PALM2AKAP2: variants seen among roughly 807,000 people sequenced by gnomAD.
PALM2AKAP2 encodes PALM2-AKAP2 fusion protein.
PALM2AKAP2 carries 37 observed loss-of-function variants against 71.5 expected under a neutral mutation model. That is an observed-to-expected ratio of 0.52 (90% CI 0.40 to 0.68). The LOEUF (loss-of-function observed/expected upper bound fraction) is 0.68. PALM2AKAP2 is among the 30% of genes least tolerant of loss of function. The pLI is 0.00. For synonymous variants in PALM2AKAP2, 468 were observed against 478.8 expected, an observed-to-expected ratio of 0.98 and a Z score of 0.29; for missense variants, 1,224 against 1,191.8, an observed-to-expected ratio of 1.03 and a Z score of -0.40.
intron 1 of PALM2AKAP2, among the ~76,000 whole-genome samples, chr9:110,089,754 G>C (rs547310099): frequency 6.6e-6 from 1 of 152,236 alleles, no homozygotes; most frequent in Admixed American, 6.5e-5. Flanking sequence ...CTCTGTAAAG[G>C]TGCCTTTGTT....
chr9:110,146,976 C>T (rs1001941622), intron 2 of PALM2AKAP2, among the ~76,000 whole-genome samples: 10 of 152,078 alleles, frequency 6.6e-5, no homozygotes, highest in Admixed American at 2.6e-4. Flanking sequence ...AATCTATGTG[C>T]GAGGTGGCTC....
At chr9:109,655,110 A>C (rs62581672) in intron 1 of PALM2AKAP2, among the ~76,000 whole-genome samples, 5,204 of 152,164 alleles carry the variant, frequency 0.034, 129 homozygotes, top group Non-Finnish European at 0.049. Flanking sequence ...TGATGGTCTC[A>C]GGGTTTCACC....
chr9:109,666,500 C>T lies in PALM2AKAP2; in HGVS notation c.5+25634C>T, dbSNP rs150360410. Among the ~76,000 whole-genome samples, 5 of 152,282 alleles carry T rather than the reference C, an allele frequency of 3.3e-5. No homozygotes were observed. The East Asian group carries it at 9.6e-4, about 29-fold the overall frequency. On this transcript the variant is annotated intron_variant, in intron 1 of 6. Coordinates refer to the PALM2AKAP2 transcript ENST00000374531. ...AAAATGCTCTTATACTGTTATTTTA[C>T]ACAGAAACCAGAGATGATATCACAA...
exon 2 of PALM2AKAP2, chr9:110,137,103 A>C: frequency 6.2e-7 from 1 of 1,613,346 alleles, no homozygotes. Flanking sequence ...CAGCAGCAGC[A>C]GCAGCCCCCA....
chr9:109,970,876 G>C (rs56149544), intron 6 of PALM2AKAP2, among the ~76,000 whole-genome samples: 5,823 of 152,276 alleles, frequency 0.038, 241 homozygotes, highest in East Asian at 0.16. Context: ...GGAGGCCAAG[G>C]CAGAAGAATT....
At chr9:109,958,147 A>G (rs1055066263) in intron 6 of PALM2AKAP2, among the ~76,000 whole-genome samples, 1 of 135,764 alleles carries the variant, frequency 7.4e-6, no homozygotes, top group African/African-American at 2.5e-5. Flanking sequence ...AGTTGATTGA[A>G]AAAAAAAAAC....
intron 1 of PALM2AKAP2, among the ~76,000 whole-genome samples, chr9:109,830,764 C>T (rs559794640): frequency 5.9e-5 from 9 of 152,210 alleles, no homozygotes; most frequent in African/African-American, 1.9e-4. Flanking sequence ...CATGACAATC[C>T]TAAGTGGAAG....
At chr9:109,827,713 G>C (rs1828192016) in intron 1 of PALM2AKAP2, among the ~76,000 whole-genome samples, 1 of 151,920 alleles carries the variant, frequency 6.6e-6, no homozygotes, top group Non-Finnish European at 1.5e-5. Flanking sequence ...TATCTCATTG[G>C]CAGGCACTCA....
chr9:109,940,614 T>G (rs903015982), intron 6 of PALM2AKAP2, among the ~76,000 whole-genome samples: 6 of 152,080 alleles, frequency 3.9e-5, no homozygotes, highest in African/African-American at 1.4e-4. Flanking sequence ...AGGTAGGGAC[T>G]CAAGACAATG....
At chr9:109,713,157 C>G (rs1391100410) in intron 1 of PALM2AKAP2, among the ~76,000 whole-genome samples, 1 of 152,218 alleles carries the variant, frequency 6.6e-6, no homozygotes, top group Admixed American at 6.5e-5. Context: ...TTTTAACCAT[C>G]TATCATGGTA....
chr9:109,734,084 C>A (rs1046749653), intron 1 of PALM2AKAP2, among the ~76,000 whole-genome samples: 1 of 152,182 alleles, frequency 6.6e-6, no homozygotes, highest in Non-Finnish European at 1.5e-5. Flanking sequence ...GAGGGGGAGA[C>A]CATAATTATA....
intron 1 of PALM2AKAP2, among the ~76,000 whole-genome samples, chr9:110,059,334 C>G (rs1056156825): frequency 6.6e-6 from 1 of 152,178 alleles, no homozygotes; most frequent in Non-Finnish European, 1.5e-5. Context: ...TGCTCTTTCT[C>G]GAAGTACAGA....
intron 7 of PALM2AKAP2, among the ~76,000 whole-genome samples, chr9:110,019,604 T>A (rs1405199339): frequency 1.3e-5 from 2 of 152,218 alleles, no homozygotes; most frequent in Non-Finnish European, 2.9e-5. Context: ...CACCATGGAA[T>A]ACTACATAGT....
intron 1 of PALM2AKAP2, among the ~76,000 whole-genome samples, chr9:109,790,686 A>T (rs1288682810): frequency 6.6e-5 from 10 of 152,206 alleles, no homozygotes; most frequent in Non-Finnish European, 1.2e-4. Flanking sequence ...GGCTTTCCCC[A>T]GGCACCTGAT....
At chr9:109,920,176 T>G (rs2131939391) in intron 3 of PALM2AKAP2, among the ~76,000 whole-genome samples, 1 of 152,304 alleles carries the variant, frequency 6.6e-6, no homozygotes, top group Non-Finnish European at 1.5e-5. Flanking sequence ...GCTTGTGTCT[T>G]ATCTGCTCAC....
chr9:109,985,619 C>CAAA (rs36078594), intron 6 of PALM2AKAP2, among the ~76,000 whole-genome samples: 5 of 126,858 alleles, frequency 3.9e-5, no homozygotes, highest in Admixed American at 7.9e-5. Flanking sequence ...GACTCCGTCT[C>CAAA]AAAAAAAAAA....
chr9:110,091,139 T>C (rs1235581682), intron 1 of PALM2AKAP2, among the ~76,000 whole-genome samples: 1 of 152,154 alleles, frequency 6.6e-6, no homozygotes, highest in African/African-American at 2.4e-5. Flanking sequence ...TGTGCTTCTC[T>C]TAGAAGTCAA....
At chr9:110,169,805 A>T (rs1475219829) in exon 4 of PALM2AKAP2, 2 of 151,860 alleles carry the variant, frequency 1.3e-5, no homozygotes, top group Admixed American at 6.6e-5. Flanking sequence ...GTGTATGTTC[A>T]TGAGTAAGGG....
chr9:110,149,413 C>T (rs1408483978), intron 2 of PALM2AKAP2, among the ~76,000 whole-genome samples: 1 of 152,152 alleles, frequency 6.6e-6, no homozygotes, highest in Non-Finnish European at 1.5e-5. Flanking sequence ...CTTTTCTCAG[C>T]GTGGGCTAAT....
Sources: allele counts gnomAD v4.1 joint callset (sites outside exome capture counted in the v4.1 genomes callset), GRCh38; gene constraint gnomAD v4.1.1; transcripts MANE v1.5; gene names NCBI Gene and HGNC (gene_info 2026-07-23, HGNC 2026-07-21).